Variants in ZNF429 observed in about 807,000 individuals in gnomAD.
ZNF429 encodes the protein zinc finger protein 429.
A neutral mutation model predicts 56.8 loss-of-function variants in ZNF429; 53 were observed. The observed-to-expected ratio is 0.93, with a 90% CI of 0.75 to 1.17. ZNF429 has a LOEUF of 1.17. Among genes scored for constraint, ZNF429 ranks in the 50% most tolerant of loss-of-function variants. The pLI is 0.00. For synonymous variants in ZNF429, 278 were observed against 264.7 expected (o/e 1.05, Z -0.49); for missense variants, 849 against 788.4 (o/e 1.08, Z -0.92).
At chr19:21,517,815 A>G (rs1465230681) in intron 1 of ZNF429, among the ~76,000 whole-genome samples, 1 of 108,182 alleles carries the variant, frequency 9.2e-6, no homozygotes, top group Non-Finnish European at 1.9e-5. Flanking sequence ...TTTTTTTGAT[A>G]TGGAGTCTTG....
At chr19:21,508,888 A>G (rs1325067645) in intron 1 of ZNF429, among the ~76,000 whole-genome samples, 1 of 152,216 alleles carries the variant, frequency 6.6e-6, no homozygotes. Flanking sequence ...TTGTTTTTGC[A>G]GGATAAATTT....
intron 1 of ZNF429, among the ~76,000 whole-genome samples, chr19:21,510,145 G>GTGA (rs2032381851): frequency 6.6e-6 from 1 of 152,102 alleles, no homozygotes; most frequent in Admixed American, 6.6e-5. Flanking sequence ...CTTACCTCAG[G>GTGA]TGATGACAAG....
intron 1 of ZNF429, among the ~76,000 whole-genome samples, chr19:21,512,877 T>C (rs2145422969): frequency 6.8e-6 from 1 of 146,586 alleles, no homozygotes; most frequent in East Asian, 2.0e-4. Flanking sequence ...ATCTAAGTCT[T>C]TTTTTTTTTT....
intron 1 of ZNF429, among the ~76,000 whole-genome samples, chr19:21,510,265 G>C (rs1384708215): frequency 6.6e-6 from 1 of 152,114 alleles, no homozygotes; most frequent in African/African-American, 2.4e-5. Context: ...TTTATCCTGA[G>C]GTCAGCATGT....
intron 1 of ZNF429, among the ~76,000 whole-genome samples, chr19:21,528,013 T>C (rs537483930): frequency 2.6e-5 from 4 of 152,192 alleles, no homozygotes; most frequent in Non-Finnish European, 5.9e-5. Context: ...AAAATTCTTA[T>C]GATAGTCAAG....
Position 21,536,269 on chromosome 19 carries a change from T to C in ZNF429, c.227-11T>C. The C allele has an allele frequency of 4.5e-6, 7 of 1,545,514 alleles. No homozygotes were observed. Among genetic ancestry groups the C allele is most frequent in the Non-Finnish European group, 6.1e-6 (7 of 1,151,308 alleles). On this transcript the variant is annotated splice_polypyrimidine_tract_variant and intron_variant, in intron 3 of 3. Coordinates refer to ENST00000358491, the MANE Select transcript of ZNF429 (RefSeq NM_001001415.4). ...TAAGTGAAGTAATTTGTTGTTTTAA[T>C]TTTATTTTAGTTGTGTGTTCTCATT...
chr19:21,518,406 G>A (rs1454302503), intron 1 of ZNF429, among the ~76,000 whole-genome samples: 1 of 70,088 alleles, frequency 1.4e-5, no homozygotes, highest in African/African-American at 5.4e-5. Flanking sequence ...TTCTGGTGGT[G>A]TGTTGTATCA....
At chr19:21,517,117 A>G (rs1342517130) in intron 1 of ZNF429, among the ~76,000 whole-genome samples, 1 of 152,208 alleles carries the variant, frequency 6.6e-6, no homozygotes, top group Non-Finnish European at 1.5e-5. Context: ...TGTACCTTCA[A>G]TGCCTGGTTT....
At chr19:21,512,488 C>G (rs532206344) in intron 1 of ZNF429, among the ~76,000 whole-genome samples, 1 of 151,756 alleles carries the variant, frequency 6.6e-6, no homozygotes, top group East Asian at 2.0e-4. Context: ...GATGAAACCC[C>G]ATCTCTACTA....
In ZNF429 at chr19:21,509,044, C is replaced by G. The variant is rs534303030; in HGVS notation, c.3+3270C>G. Among the ~76,000 whole-genome samples the G allele has an allele frequency of 2.8e-3, 416 of 147,940 alleles. 1 individual carries two copies. Among genetic ancestry groups the G allele is most frequent in the Non-Finnish European group, 3.4e-3 (231 of 67,446 alleles). On this transcript the variant is annotated intron_variant, in intron 1 of 3. Coordinates refer to ENST00000358491, the MANE Select transcript of ZNF429 (RefSeq NM_001001415.4). ...ATTTTTTTTTTTTTTGAAATGGAGTCTTGCTCAAGGCTGGGGTGCAGTGGT... is the reference window on the plus strand; with the variant it reads ...ATTTTTTTTTTTTTTGAAATGGAGTGTTGCTCAAGGCTGGGGTGCAGTGGT...
chr19:21,521,612 A>T lies in ZNF429; in HGVS notation c.4-8046A>T, dbSNP rs192515900. On this transcript the variant is annotated intron_variant, in intron 1 of 3. Coordinates refer to ENST00000358491, the MANE Select transcript of ZNF429 (RefSeq NM_001001415.4). ...TGAGTTTTCTTCTTAAGATGCTTTTAACTTAGTTTGTTCTCAGTAGAATCT... is the reference window on the plus strand; with the variant it reads ...TGAGTTTTCTTCTTAAGATGCTTTTTACTTAGTTTGTTCTCAGTAGAATCT... 3.3e-5 allele frequency: 5 copies of T among 152,228 alleles called. No homozygotes were observed. In the East Asian group the frequency reaches 9.7e-4, roughly 29 times the overall value. 9.4% of individuals were successfully genotyped at this position (152,228 alleles called of 1,614,324 possible).
chr19:21,512,873 GTCTT>G (rs1197011357), intron 1 of ZNF429, among the ~76,000 whole-genome samples: 1 of 151,102 alleles, frequency 6.6e-6, no homozygotes, highest in Non-Finnish European at 1.5e-5. Flanking sequence ...CACCATCTAA[GTCTT>G]TTTTTTTTTT....
At chr19:21,525,186 G>A (rs905843044) in intron 1 of ZNF429, among the ~76,000 whole-genome samples, 1 of 152,228 alleles carries the variant, frequency 6.6e-6, no homozygotes, top group Non-Finnish European at 1.5e-5. Context: ...TTTATGGACA[G>A]AAGAATTTTT....
chr19:21,532,928 C>A, intron 3 of ZNF429, among the ~76,000 whole-genome samples: 1 of 152,168 alleles, frequency 6.6e-6, no homozygotes, highest in East Asian at 1.9e-4. Flanking sequence ...GAACTCCTGA[C>A]AGGTGATCTG....
chr19:21,529,833 T>G, intron 2 of ZNF429, 49 bp downstream of exon 2: 1 of 1,194,302 alleles, frequency 8.4e-7, no homozygotes, highest in Non-Finnish European at 1.1e-6. Flanking sequence ...AAATGTTTCA[T>G]TTCTCCTCTT....
chr19:21,510,787 C>T (rs1025197695), intron 1 of ZNF429, among the ~76,000 whole-genome samples: 32 of 151,864 alleles, frequency 2.1e-4, no homozygotes, highest in Middle Eastern at 3.4e-3. Flanking sequence ...TGACTCTTAA[C>T]GAGCATGCTG....
In ZNF429 at chr19:21,537,371, C is replaced by T; in HGVS notation, c.1318C>T (p.Leu440Phe). ...CAAAGTTTTTACCTATTCCTCTACA[C>T]TTACTAGACATAAGAGAATTCATAC... ...CGKVFTYSST[L>F]TRHKRIHTEE... Residue 440 changes from leucine (L) to phenylalanine (F), a missense_variant, in exon 4 of 4, where the codon CTT becomes TTT. By Grantham distance (22) the Leu-to-Phe change is conservative. Coordinates refer to ENST00000358491, the MANE Select transcript of ZNF429 (RefSeq NM_001001415.4). 1 of 1,613,670 alleles carries T rather than the reference C, an allele frequency of 6.2e-7. No homozygotes were observed. Among genetic ancestry groups the T allele is most frequent in the Non-Finnish European group, 8.5e-7 (1 of 1,179,838 alleles).
At chr19:21,510,162 C>G (rs1256094825) in intron 1 of ZNF429, among the ~76,000 whole-genome samples, 3 of 151,904 alleles carry the variant, frequency 2.0e-5, no homozygotes, top group African/African-American at 7.3e-5. Flanking sequence ...CAAGGGCTTT[C>G]TTTCATAGGG....
chr19:21,516,629 T>C (rs2032755777), intron 1 of ZNF429, among the ~76,000 whole-genome samples: 1 of 152,202 alleles, frequency 6.6e-6, no homozygotes. Flanking sequence ...AAGAAGTGTT[T>C]TGTAGTTCTT....
Sources: gnomAD v4.1 joint callset for allele counts (sites outside exome capture counted in the v4.1 genomes callset) on GRCh38, gnomAD v4.1.1 for gene constraint, MANE v1.5 for transcripts, NCBI Gene and HGNC (gene_info 2026-07-23, HGNC 2026-07-21) for gene names.